CLNK: variants seen among roughly 807,000 people sequenced by gnomAD.
CLNK encodes cytokine-dependent hematopoietic cell linker.
Under a neutral mutation model 68.6 loss-of-function variants are expected in CLNK, and 74 were observed. That is an observed-to-expected ratio of 1.08 (90% confidence interval 0.89 to 1.31). The LOEUF (loss-of-function observed/expected upper bound fraction) is 1.31. CLNK is among the 50% of genes most tolerant of loss of function. CLNK has a pLI of 0.00. For synonymous variants in CLNK, 198 were observed against 172.2 expected, an observed-to-expected ratio of 1.15 and a Z score of -1.17; for missense variants, 553 against 515.3, an observed-to-expected ratio of 1.07 and a Z score of -0.71.
intron 17 of CLNK, among the ~76,000 whole-genome samples, chr4:10,502,562 C>G (rs1717100265): frequency 6.6e-6 from 1 of 151,740 alleles, no homozygotes; most frequent in Non-Finnish European, 1.5e-5. Context: ...TCTCAATGTT[C>G]ACATATTTCC....
At chr4:10,583,217 T>C (rs1720846990) in intron 4 of CLNK, among the ~76,000 whole-genome samples, 1 of 152,238 alleles carries the variant, frequency 6.6e-6, no homozygotes, top group African/African-American at 2.4e-5. Context: ...TTCATAAGTA[T>C]GCCTAGGCTG....
chr4:10,718,103 C>T, the CLNK span, among the ~76,000 whole-genome samples: 1 of 152,098 alleles, frequency 6.6e-6, no homozygotes, highest in African/African-American at 2.4e-5. Context: ...TACAAAACCT[C>T]AATCTATGGG....
At chr4:10,561,233 C>T (rs1719877938) in intron 7 of CLNK, among the ~76,000 whole-genome samples, 1 of 152,128 alleles carries the variant, frequency 6.6e-6, no homozygotes, top group Admixed American at 6.5e-5. Context: ...TGAGGCCAAA[C>T]TCTTGTTGAA....
rs1156502170 is a variant in CLNK at position 10,489,522 on chromosome 4, GA to G, written c.*944del. 1 of 152,120 alleles carries G rather than the reference GA, an allele frequency of 6.6e-6. No homozygotes were observed. The highest frequency in any genetic ancestry group is 1.5e-5 in the Non-Finnish European group (1 of 68,046). 9.4% of individuals were successfully genotyped at this position (152,120 alleles called of 1,614,324 possible). ...AGATGATGCTGGAGGCTGGTCCCAT[GA>G]CCGTTTCACACCCTAGTCAGAGGAT... On this transcript the variant is annotated 3_prime_UTR_variant, in exon 19 of 19. Transcript: ENST00000226951.
chr4:10,510,223 C>T (rs1000541385), intron 16 of CLNK, among the ~76,000 whole-genome samples: 3 of 152,172 alleles, frequency 2.0e-5, no homozygotes, highest in African/African-American at 7.2e-5. Flanking sequence ...CTCAGAATCA[C>T]TTGCGGGGGG....
chr4:10,704,461 A>AT, the CLNK span, among the ~76,000 whole-genome samples: 48,048 of 150,886 alleles, frequency 0.32, 7,787 homozygotes, highest in African/African-American at 0.35. Flanking sequence ...TTTGAAAAAT[A>AT]TTTTTTTTTT....
chr4:10,499,659 G>A (rs1716959269), intron 18 of CLNK, among the ~76,000 whole-genome samples: 1 of 152,200 alleles, frequency 6.6e-6, no homozygotes, highest in Non-Finnish European at 1.5e-5. Flanking sequence ...GTTTGTCAAG[G>A]CTACCGTAAC....
chr4:10,733,449 T>A, the CLNK span, among the ~76,000 whole-genome samples: 1 of 152,350 alleles, frequency 6.6e-6, no homozygotes, highest in Non-Finnish European at 1.5e-5. Context: ...CATGTTATAC[T>A]TGGTAAGCTG....
At chr4:10,536,768 C>T (rs1321395927) in intron 11 of CLNK, among the ~76,000 whole-genome samples, 1 of 152,116 alleles carries the variant, frequency 6.6e-6, no homozygotes, top group African/African-American at 2.4e-5. Flanking sequence ...ATTCTCATCA[C>T]ATCTAAAAAT....
the CLNK span, among the ~76,000 whole-genome samples, chr4:10,703,972 A>G: frequency 6.6e-6 from 1 of 152,196 alleles, no homozygotes; most frequent in Non-Finnish European, 1.5e-5. Flanking sequence ...CACAGACAGA[A>G]TAATAATCAC....
chr4:10,603,870 G>T (rs1284899626), intron 2 of CLNK, among the ~76,000 whole-genome samples: 3 of 152,158 alleles, frequency 2.0e-5, no homozygotes, highest in African/African-American at 4.8e-5. Flanking sequence ...AGATCATCTT[G>T]GATTCTGACT....
intron 4 of CLNK, among the ~76,000 whole-genome samples, chr4:10,575,710 G>A (rs571171365): frequency 5.1e-4 from 77 of 152,372 alleles, no homozygotes; most frequent in African/African-American, 1.8e-3. Context: ...TTCTTGCCTT[G>A]ATAGCTGGGC....
chr4:10,617,390 G>C (rs1722278292), intron 2 of CLNK, among the ~76,000 whole-genome samples: 1 of 152,078 alleles, frequency 6.6e-6, no homozygotes, highest in Non-Finnish European at 1.5e-5. Context: ...TTGTTAATAG[G>C]ATTGATGTGT....
rs1219093667 is a variant in CLNK at position 10,487,210 on chromosome 4, T to C, written c.*3257A>G. The stretch of plus-strand genomic sequence containing the variant: ...ATTTGGGCATGCCAAATCCAAATCA[T>C]TGAATATTCAATTACAGATCTAATA... On this transcript the variant is annotated 3_prime_UTR_variant, in exon 19 of 19. Transcript: ENST00000226951. 2 of 152,184 alleles carry C rather than the reference T, an allele frequency of 1.3e-5. No individual in the cohort carries two copies. The highest frequency in any genetic ancestry group is 4.8e-5 in the African/African-American group (2 of 41,436). The allele number at this position is 152,184 out of a possible 1,614,324, so 9.4% of individuals were successfully genotyped here.
At chr4:10,526,301 A>G (rs373556010) in intron 13 of CLNK, among the ~76,000 whole-genome samples, 66 of 152,316 alleles carry the variant, frequency 4.3e-4, no homozygotes, top group African/African-American at 1.5e-3. Context: ...CTGAATAGCT[A>G]CTATGGGACA....
chr4:10,567,131 G>GAAAAAA (rs61037076), intron 5 of CLNK, among the ~76,000 whole-genome samples: 2 of 110,550 alleles, frequency 1.8e-5, no homozygotes, highest in Non-Finnish European at 1.8e-5. Context: ...ACAATCTTGG[G>GAAAAAA]AAAAAAAAAA....
the CLNK span, among the ~76,000 whole-genome samples, chr4:10,708,490 C>G: frequency 6.6e-6 from 1 of 152,280 alleles, no homozygotes; most frequent in Non-Finnish European, 1.5e-5. Flanking sequence ...AGATGCACCT[C>G]TTAACCAGTG....
intron 15 of CLNK, among the ~76,000 whole-genome samples, chr4:10,518,682 AATTG>A (rs1239011852): frequency 1.3e-5 from 2 of 152,194 alleles, no homozygotes; most frequent in African/African-American, 2.4e-5. Flanking sequence ...TTTATCAAAG[AATTG>A]AGCCAAATCT....
At chr4:10,537,678 T>TCTTTCTTCCTTCCTTC (rs1718836142) in intron 11 of CLNK, among the ~76,000 whole-genome samples, 10 of 38,528 alleles carry the variant, frequency 2.6e-4, no homozygotes, top group South Asian at 1.1e-3. Context: ...TTTCTTTCTT[T>TCTTTCTTCCTTCCTTC]CTTCCTTCCT....
Sources: gnomAD v4.1 joint callset for allele counts (sites outside exome capture counted in the v4.1 genomes callset) on GRCh38, gnomAD v4.1.1 for gene constraint, MANE v1.5 for transcripts, NCBI Gene and HGNC (gene_info 2026-07-23, HGNC 2026-07-21) for gene names.